The following GSE1 variants were observed in gnomAD, a reference collection of about 807,000 sequenced individuals.
GSE1 encodes genetic suppressor element 1.
Under a neutral mutation model 112.6 loss-of-function variants are expected in GSE1, and 32 were observed. That is an observed-to-expected ratio of 0.28 (90% confidence interval 0.21 to 0.38). The LOEUF is 0.38. GSE1 is among the 10% of genes least tolerant of loss of function. The pLI, the probability that GSE1 is intolerant of heterozygous loss-of-function variation, is 1.00. For missense variants in GSE1, 2,348 were observed against 1,699.2 expected (o/e 1.38, Z -6.71); for synonymous variants, 1,115 against 735.6 (o/e 1.52, Z -8.35).
At chr16:85,225,716 T>C (rs1367979428) in intron 1 of GSE1, among the ~76,000 whole-genome samples, 2 of 152,256 alleles carry the variant, frequency 1.3e-5, no homozygotes, top group East Asian at 1.9e-4. Flanking sequence ...TGTGGAATTA[T>C]TGTCTTCAGA....
chr16:85,385,611 C>G (rs1046292458), intron 2 of GSE1, among the ~76,000 whole-genome samples: 1 of 152,188 alleles, frequency 6.6e-6, no homozygotes, highest in Non-Finnish European at 1.5e-5. Flanking sequence ...CCCGTGGCAC[C>G]CCCAGGGCCA....
At position 85,668,218 on chromosome 16, in the gene GSE1, C is replaced by T. The variant is rs776161288; in HGVS notation, c.3209C>T (p.Ser1070Phe). 2.5e-6 allele frequency: 4 copies of T among 1,610,250 alleles called. No homozygotes were observed. Among genetic ancestry groups the T allele is most frequent in the Non-Finnish European group, 3.4e-6 (4 of 1,176,592 alleles). Residue 1070 changes from serine (S) to phenylalanine (F), a missense_variant, in exon 14 of 16, where the codon TCC (serine) becomes TTC (phenylalanine). Physicochemically the swap from Ser to Phe is radical, Grantham distance 155 (BLOSUM62 -2). Transcript: ENST00000253458. ...CACTACAACATTCCTGAGCTGCAGTCCTCCAGCCGCGCCCCTCCACCCCAG... is the reference window on the plus strand; with the variant it reads ...CACTACAACATTCCTGAGCTGCAGTTCTCCAGCCGCGCCCCTCCACCCCAG... ...SVHYNIPELQSSSRAPPPQHN... is the reference protein window; with the variant it reads ...SVHYNIPELQFSSRAPPPQHN...
At chr16:85,471,703 C>G (rs2050301174) in intron 2 of GSE1, among the ~76,000 whole-genome samples, 1 of 131,418 alleles carries the variant, frequency 7.6e-6, no homozygotes. Flanking sequence ...CTGCACCCAG[C>G]CCATTTATTT....
At chr16:85,314,367 C>T (rs2045939748) in intron 1 of GSE1, among the ~76,000 whole-genome samples, 1 of 152,166 alleles carries the variant, frequency 6.6e-6, no homozygotes, top group South Asian at 2.1e-4. Flanking sequence ...CAGCTTGTGT[C>T]TCACGGGTAG....
intron 1 of GSE1, among the ~76,000 whole-genome samples, chr16:85,342,272 T>C (rs985671870): frequency 6.6e-6 from 1 of 152,222 alleles, no homozygotes; most frequent in African/African-American, 2.4e-5. Flanking sequence ...TTCTATCAAC[T>C]TCAATTAGAG....
At chr16:85,244,512 G>T (rs773122334) in intron 1 of GSE1, among the ~76,000 whole-genome samples, 5 of 152,140 alleles carry the variant, frequency 3.3e-5, no homozygotes, top group African/African-American at 4.8e-5. Flanking sequence ...ACACTAAGTT[G>T]GTATCATTTG....
chr16:85,670,104 G>C (rs142137260), intron 14 of GSE1, among the ~76,000 whole-genome samples: 634 of 152,330 alleles, frequency 4.2e-3, no homozygotes, highest in African/African-American at 0.015. Context: ...CATCATTTTT[G>C]GACGTGAAGT....
chr16:85,336,851 C>A (rs937502486), intron 1 of GSE1, among the ~76,000 whole-genome samples: 4 of 152,246 alleles, frequency 2.6e-5, no homozygotes, highest in African/African-American at 4.8e-5. Context: ...AAAATACATG[C>A]ATGAACATTC....
At chr16:85,541,057 G>T (rs1470122725) in intron 2 of GSE1, among the ~76,000 whole-genome samples, 3 of 152,154 alleles carry the variant, frequency 2.0e-5, no homozygotes, top group African/African-American at 7.2e-5. Flanking sequence ...AGGGTCTGGG[G>T]GCTGTGCTCG....
intron 2 of GSE1, among the ~76,000 whole-genome samples, chr16:85,385,459 A>G (rs1224990046): frequency 6.6e-6 from 1 of 152,072 alleles, no homozygotes; most frequent in East Asian, 1.9e-4. Context: ...TGGGTGGGAC[A>G]TACTTGCCTC....
In GSE1 at chr16:85,455,405, A is replaced by AGAG. The variant is rs539644082; in HGVS notation, c.2464+97762_2464+97763insGAG. Among the ~76,000 whole-genome samples the AGAG allele has an allele frequency of 4.4e-3, 665 of 150,862 alleles. 6 individuals carry two copies. The highest frequency in any genetic ancestry group is 0.016 in the African/African-American group (644 of 40,732). ...AAAGAGAGAGAGAGAGAGAGAGAGA[A>AGAG]AGAAAGAAAAGAAAAGAAAAGAAAA... is the stretch of plus-strand genomic sequence containing the variant. On this transcript the variant is annotated intron_variant, in intron 2 of 2. Transcript: ENST00000637419.
At chr16:85,558,442 ATATT>A (rs1433908229) in intron 1 of GSE1, among the ~76,000 whole-genome samples, 4 of 152,234 alleles carry the variant, frequency 2.6e-5, no homozygotes, top group African/African-American at 9.6e-5. Flanking sequence ...CTGCTGGTGC[ATATT>A]TATTCATCAG....
At chr16:85,264,686 A>T (rs1908053773) in intron 1 of GSE1, among the ~76,000 whole-genome samples, 1 of 152,078 alleles carries the variant, frequency 6.6e-6, no homozygotes. Context: ...TCGCAGCTCA[A>T]GCCCTCTCTC....
chr16:85,388,952 G>A (rs1417321234), intron 2 of GSE1, among the ~76,000 whole-genome samples: 2 of 152,132 alleles, frequency 1.3e-5, no homozygotes, highest in Non-Finnish European at 2.9e-5. Flanking sequence ...AGGTAAAGAA[G>A]TGTTCTTTGG....
chr16:85,570,283 G>T (rs1488500003), intron 1 of GSE1, among the ~76,000 whole-genome samples: 1 of 152,148 alleles, frequency 6.6e-6, no homozygotes, highest in Non-Finnish European at 1.5e-5. Context: ...GCATGTGAGA[G>T]GCTGTCAAGT....
chr16:85,668,941 C>A (rs571045763), intron 14 of GSE1, among the ~76,000 whole-genome samples: 1 of 152,226 alleles, frequency 6.6e-6, no homozygotes, highest in Non-Finnish European at 1.5e-5. Flanking sequence ...AAGGCTTAGT[C>A]GAAGGCTTGC....
At chr16:85,195,402 GGCAGCTGTCAAAGGAGAGTTGGAA>G (rs1361096487) in intron 1 of GSE1, among the ~76,000 whole-genome samples, 1 of 152,190 alleles carries the variant, frequency 6.6e-6, no homozygotes, top group Non-Finnish European at 1.5e-5. Context: ...GGACAGGGGT[GGCAGCTGTCAAAGGAGAGTTGGAA>G]GCAGCTTTGC....
chr16:85,224,431 C>T (rs1383283568), intron 1 of GSE1, among the ~76,000 whole-genome samples: 2 of 151,158 alleles, frequency 1.3e-5, no homozygotes, highest in African/African-American at 2.4e-5. Flanking sequence ...TAGCTCAAGG[C>T]TCTGCAAATT....
At chr16:85,391,894 C>T (rs745589226) in intron 2 of GSE1, among the ~76,000 whole-genome samples, 1 of 152,162 alleles carries the variant, frequency 6.6e-6, no homozygotes, top group Non-Finnish European at 1.5e-5. Context: ...TCCCGGGCTG[C>T]CCTGACTCAT....
Sources: gnomAD v4.1 joint callset for allele counts (sites outside exome capture counted in the v4.1 genomes callset) on GRCh38, gnomAD v4.1.1 for gene constraint, MANE v1.5 for transcripts, NCBI Gene and HGNC (gene_info 2026-07-23, HGNC 2026-07-21) for gene names.